ANKRD12: variants seen among roughly 807,000 people sequenced by gnomAD.
ANKRD12 encodes the protein ankyrin repeat domain 12, also known as ankyrin repeat domain-containing protein 12.
A neutral mutation model predicts 183.4 loss-of-function variants in ANKRD12; 85 were observed. The ratio of observed to expected loss-of-function variants is 0.46; its 90% CI spans 0.39 to 0.56. ANKRD12 has a LOEUF of 0.56. Among genes scored for constraint, ANKRD12 ranks in the 20% least tolerant of loss-of-function variants. The pLI is 0.00. For synonymous variants in ANKRD12, 914 were observed against 800.2 expected (o/e 1.14, Z -2.40); for missense variants, 2,405 against 2,357.1 (o/e 1.02, Z -0.42).
chr18:9,148,885 G>A (rs757956691), intron 1 of ANKRD12, among the ~76,000 whole-genome samples: 1 of 152,078 alleles, frequency 6.6e-6, no homozygotes, highest in Non-Finnish European at 1.5e-5. Flanking sequence ...GGGGCTTCAT[G>A]ATGAGATCCC....
intron 5 of ANKRD12, 70 bp from the exon 6 acceptor site, chr18:9,211,514 A>G (rs993015993): frequency 3.6e-6 from 5 of 1,389,866 alleles, no homozygotes; most frequent in East Asian, 2.4e-5. Flanking sequence ...CATATTACCA[A>G]TAAAAACATT....
chr18:9,264,595 T>C (rs577625332), intron 10 of ANKRD12, among the ~76,000 whole-genome samples: 1 of 152,336 alleles, frequency 6.6e-6, no homozygotes, highest in East Asian at 1.9e-4. Flanking sequence ...TAGAACCTCT[T>C]CTCAGAATGT....
chr18:9,249,906 G>C (rs2038187282), intron 8 of ANKRD12, among the ~76,000 whole-genome samples: 1 of 152,190 alleles, frequency 6.6e-6, no homozygotes, highest in African/African-American at 2.4e-5. Context: ...AATGTGTGTA[G>C]CAAGAAGCAA....
intron 1 of ANKRD12, among the ~76,000 whole-genome samples, chr18:9,164,563 C>T (rs921638693): frequency 2.6e-5 from 4 of 152,042 alleles, no homozygotes; most frequent in Non-Finnish European, 5.9e-5. Flanking sequence ...TTCTTAACAC[C>T]GTTTTAGCTG....
intron 2 of ANKRD12, among the ~76,000 whole-genome samples, chr18:9,184,331 T>C (rs1225935194): frequency 2.6e-5 from 4 of 152,192 alleles, no homozygotes; most frequent in Non-Finnish European, 5.9e-5. Flanking sequence ...ATAAGGCAAG[T>C]CTTCAGCCAT....
At chr18:9,150,945 G>A (rs563692555) in intron 1 of ANKRD12, among the ~76,000 whole-genome samples, 4 of 143,842 alleles carry the variant, frequency 2.8e-5, no homozygotes, top group South Asian at 4.9e-4. Context: ...AAGCCATCGC[G>A]CCCAGCCAAT....
intron 8 of ANKRD12, among the ~76,000 whole-genome samples, chr18:9,237,896 ATCT>A (rs1358598188): frequency 3.9e-5 from 6 of 152,120 alleles, no homozygotes; most frequent in Non-Finnish European, 8.8e-5. Context: ...ACTCAACAAA[ATCT>A]TCTCCTGCCC....
chr18:9,247,634 T>C (rs1223276057), intron 8 of ANKRD12, among the ~76,000 whole-genome samples: 2 of 152,200 alleles, frequency 1.3e-5, no homozygotes, highest in Admixed American at 6.5e-5. Flanking sequence ...TTGGTTAATA[T>C]ATCTTAGTAT....
At chr18:9,270,356 A>G (rs1009215713) in intron 10 of ANKRD12, among the ~76,000 whole-genome samples, 2 of 152,192 alleles carry the variant, frequency 1.3e-5, no homozygotes, top group African/African-American at 4.8e-5. Context: ...AAGACTTAGA[A>G]CCAACCCAAA....
At chr18:9,267,939 T>C (rs1031984290) in intron 10 of ANKRD12, among the ~76,000 whole-genome samples, 11 of 152,040 alleles carry the variant, frequency 7.2e-5, no homozygotes, top group Non-Finnish European at 1.0e-4. Context: ...ACAAAGGGGA[T>C]ATCACCACCC....
At chr18:9,260,811 G>A (rs1004404622) in intron 9 of ANKRD12, among the ~76,000 whole-genome samples, 1 of 152,124 alleles carries the variant, frequency 6.6e-6, no homozygotes, top group African/African-American at 2.4e-5. Flanking sequence ...CTATGTTAAT[G>A]ATTACCACAT....
At chr18:9,166,948 T>C (rs1344467012) in intron 1 of ANKRD12, among the ~76,000 whole-genome samples, 1 of 152,236 alleles carries the variant, frequency 6.6e-6, no homozygotes, top group Non-Finnish European at 1.5e-5. Flanking sequence ...TAGCCAGTTT[T>C]CCCAGCACCA....
Position 9,168,747 on chromosome 18 carries a change from C to T in ANKRD12, c.-51-13635C>T, listed in dbSNP as rs536735167. ...AGTTCTGCTCTGATCTTAGTTATTT[C>T]TTGCCTTCTGCTACCTTTTGAATGT... On this transcript the variant is annotated intron_variant, in intron 1 of 12. Coordinates refer to ENST00000262126, the MANE Select transcript of ANKRD12 (RefSeq NM_015208.5). 7.8e-4 allele frequency among the ~76,000 whole-genome samples: 119 copies of T among 152,224 alleles called. No homozygotes were observed. The East Asian group carries it at 0.022, about 28-fold the overall frequency.
At chr18:9,169,184 A>G (rs2032419490) in intron 1 of ANKRD12, among the ~76,000 whole-genome samples, 1 of 152,172 alleles carries the variant, frequency 6.6e-6, no homozygotes, top group African/African-American at 2.4e-5. Context: ...AAAAGAATGT[A>G]TATGCTGTTG....
chr18:9,139,324 A>G (rs1297734292), intron 1 of ANKRD12, among the ~76,000 whole-genome samples: 1 of 152,186 alleles, frequency 6.6e-6, no homozygotes, highest in East Asian at 1.9e-4. Context: ...AGCTGTCGAT[A>G]TTACTTTTTC....
chr18:9,231,380 C>A (rs1244693979), intron 8 of ANKRD12, among the ~76,000 whole-genome samples: 1 of 151,824 alleles, frequency 6.6e-6, no homozygotes, highest in African/African-American at 2.4e-5. Flanking sequence ...TGGAGTCTTC[C>A]TTTGTATCTA....
Position 9,221,966 on chromosome 18 carries a change from G to A in ANKRD12, c.910G>A (p.Val304Met). 5.0e-6 allele frequency: 8 copies of A among 1,613,860 alleles called. No individual in the cohort carries two copies. Among genetic ancestry groups the A allele is most frequent in the Non-Finnish European group, 5.9e-6 (7 of 1,179,838 alleles). ...EELELLLKRE[V>M]PLSDDDESYT... ...GTTGGAGTTGCTACTAAAAAGAGAG[G>A]TGCCTTTATCTGATGATGATGAAAG... Residue 304 changes from valine (V) to methionine (M), a missense_variant, in exon 8 of 13, where the codon GTG (valine) becomes ATG (methionine). Transcript: ENST00000262126.
intron 9 of ANKRD12, among the ~76,000 whole-genome samples, chr18:9,262,305 C>T (rs2039016584): frequency 6.6e-6 from 1 of 152,146 alleles, no homozygotes; most frequent in African/African-American, 2.4e-5. Flanking sequence ...CTTGCCAAAA[C>T]ATGCTAAGAT....
rs548786721 is a variant in ANKRD12, at chr18:9,238,329, T to A, written c.944-15882T>A. On this transcript the variant is annotated intron_variant, in intron 8 of 12. Coordinates refer to ENST00000262126, the MANE Select transcript of ANKRD12 (RefSeq NM_015208.5). The stretch of plus-strand genomic sequence containing the variant: ...GTAAATTTCACCCACACTTAGAGTT[T>A]TTACTACCATTTATGTAATGATTTT... Among the ~76,000 whole-genome samples, 5 of 152,334 alleles carry A rather than the reference T, an allele frequency of 3.3e-5. No individual in the cohort carries two copies. In the South Asian group the frequency reaches 1.0e-3, roughly 32 times the overall value.
Sources: gnomAD v4.1 joint callset for allele counts (sites outside exome capture counted in the v4.1 genomes callset) on GRCh38, gnomAD v4.1.1 for gene constraint, MANE v1.5 for transcripts, NCBI Gene and HGNC (gene_info 2026-07-23, HGNC 2026-07-21) for gene names.